ZNF496: variants seen among roughly 807,000 people sequenced by gnomAD.
ZNF496 encodes zinc finger protein 496.
ZNF496 carries 11 observed loss-of-function variants against 58.9 expected under a neutral mutation model. The ratio of observed to expected loss-of-function variants is 0.19; its 90% CI spans 0.12 to 0.31. The LOEUF is 0.31. Ranked by LOEUF, ZNF496 falls within the 10% of genes least tolerant of loss-of-function variation. The probability of loss-of-function intolerance (pLI) is 1.00; values close to 1 mark genes in which losing one functional copy is unlikely to be tolerated. For synonymous variants in ZNF496, 338 were observed against 318.2 expected (o/e 1.06, Z -0.66); for missense variants, 660 against 783.0 (o/e 0.84, Z 1.88).
chr1:247,327,839 C>CATTGT, intron 5 of ZNF496, among the ~76,000 whole-genome samples: 1 of 88,324 alleles, frequency 1.1e-5, no homozygotes, highest in Non-Finnish European at 2.5e-5. Context: ...ACTCTCTTTC[C>CATTGT]ACTGTACATA....
intron 6 of ZNF496, among the ~76,000 whole-genome samples, chr1:247,315,186 C>T (rs998705410): frequency 1.3e-5 from 2 of 150,284 alleles, no homozygotes; most frequent in South Asian, 2.1e-4. Flanking sequence ...AATAATTATG[C>T]GTCAATTGTA....
rs764949063 is a variant in ZNF496 at position 247,323,142 on chromosome 1, G to A, written c.651+12C>T. On this transcript the variant is annotated intron_variant, in intron 6 of 9. Coordinates refer to ENST00000682384, the MANE Select transcript of ZNF496 (RefSeq NM_032752.3). Reference sequence around the variant, plus strand: ...CAGGGGATTTTCAAGGACTCCTGTAGAAACCACTCACCGGGGGTAGCTGGA... The same window carrying A: ...CAGGGGATTTTCAAGGACTCCTGTAAAAACCACTCACCGGGGGTAGCTGGA... The A allele has an allele frequency of 3.7e-6, 6 of 1,612,226 alleles. No individual in the cohort carries two copies. In the East Asian group the frequency reaches 1.3e-4, roughly 36 times the overall value.
At chr1:247,318,859 A>T (rs1246957858) in intron 6 of ZNF496, among the ~76,000 whole-genome samples, 1 of 152,258 alleles carries the variant, frequency 6.6e-6, no homozygotes, top group Admixed American at 6.5e-5. Flanking sequence ...AATGTTTGAC[A>T]GTTGAAGCAC....
chr1:247,309,988 T>C lies in ZNF496; in HGVS notation c.785-182A>G. 3.7e-6 allele frequency: 5 copies of C among 1,360,950 alleles called. No homozygotes were observed. The highest frequency in any genetic ancestry group is 4.8e-6 in the Non-Finnish European group (5 of 1,031,192). The allele number at this position is 1,360,950 out of a possible 1,614,324, so 84.3% of individuals were successfully genotyped here. The stretch of plus-strand genomic sequence containing the variant: ...TGGGGGCAGCACACGCAGGGAGAGC[T>C]ATGGGCTTGGGGGTCTCTCTGAGGC... On this transcript the variant is annotated intron_variant, in intron 7 of 9. Coordinates refer to ENST00000682384, the MANE Select transcript of ZNF496 (RefSeq NM_032752.3). This position sits in a 1 kb window ranked among gnomAD's most constrained non-coding sequence, Gnocchi z 4.3.
chr1:247,310,555 G>T, intron 6 of ZNF496, 99 bp from the exon 7 acceptor site: 1 of 1,471,222 alleles, frequency 6.8e-7, no homozygotes. Context: ...TGTAGGACGG[G>T]CAGTTTCTAT....
At chr1:247,306,502 T>TTC (rs1425264893) in intron 9 of ZNF496, among the ~76,000 whole-genome samples, 2 of 149,702 alleles carry the variant, frequency 1.3e-5, no homozygotes, top group Non-Finnish European at 3.0e-5. Flanking sequence ...TGGCCGTTTT[T>TTC]TTTTTCTTTT....
Position 247,309,303 on chromosome 1 carries a change from C to T in ZNF496, c.892+396G>A, listed in dbSNP as rs12034919. ...GTACCAGGCAGATGGGAAGACTAGA[C>T]AGGTGAGGCACCTCAAAGGGCTGCG... On this transcript the variant is annotated intron_variant, in intron 8 of 9. Coordinates refer to ENST00000682384, the MANE Select transcript of ZNF496 (RefSeq NM_032752.3). The surrounding 1 kb of genome is among the most constrained non-coding windows in gnomAD (Gnocchi z 4.3). The T allele has an allele frequency of 0.23, 184,448 of 812,896 alleles. 21,974 individuals carry two copies. The highest frequency in any genetic ancestry group is 0.4 in the East Asian group (3,927 of 9,810). The allele number at this position is 812,896 out of a possible 1,614,324, so 50.4% of individuals were successfully genotyped here.
At chr1:247,302,639 C>T (rs996687294) in intron 9 of ZNF496, among the ~76,000 whole-genome samples, 12 of 152,242 alleles carry the variant, frequency 7.9e-5, no homozygotes, top group Middle Eastern at 3.4e-3. Context: ...CTGCGCCCGC[C>T]GAGAGGCTAT....
intron 6 of ZNF496, among the ~76,000 whole-genome samples, chr1:247,315,919 G>T (rs1659752051): frequency 6.6e-6 from 1 of 152,092 alleles, no homozygotes; most frequent in Non-Finnish European, 1.5e-5. Context: ...CCCCTAAGTG[G>T]ATCTGCTGCT....
rs1010948902 is a variant in ZNF496, at chr1:247,308,563, C to G, written c.918G>C (p.Gln306His). Reference sequence around the variant, plus strand: ...CCTCACGTTTCCTTCTTTCTTCTACCTGGAATGGCTGGAGACTTGGAGAGT... The same window carrying G: ...CCTCACGTTTCCTTCTTTCTTCTACGTGGAATGGCTGGAGACTTGGAGAGT... ...YLDSPSLQPF[Q>H]VEERRKREEL... Residue 306 changes from glutamine (Q) to histidine (H), a missense_variant, in exon 9 of 10, where the codon CAG becomes CAC. Transcript: ENST00000682384. The surrounding 1 kb of genome is among the most constrained non-coding windows in gnomAD (Gnocchi z 4.5). 6.2e-7 allele frequency: 1 copy of G among 1,614,050 alleles called. No individual in the cohort carries two copies. The highest frequency in any genetic ancestry group is 1.1e-5 in the South Asian group (1 of 91,080).
chr1:247,331,178 C>T (rs1166331131), intron 2 of ZNF496, among the ~76,000 whole-genome samples: 1 of 152,264 alleles, frequency 6.6e-6, no homozygotes, highest in Non-Finnish European at 1.5e-5. Context: ...CCGCGTCCGT[C>T]TTTGTCACGG....
At chr1:247,330,472 C>A (rs1025051715) in intron 2 of ZNF496, among the ~76,000 whole-genome samples, 5 of 152,218 alleles carry the variant, frequency 3.3e-5, no homozygotes, top group African/African-American at 1.2e-4. Flanking sequence ...CACAGCTCAG[C>A]CCTCAAAGAA....
chr1:247,315,060 CT>C (rs67977969), intron 6 of ZNF496, among the ~76,000 whole-genome samples: 5,554 of 121,378 alleles, frequency 0.046, 147 homozygotes, highest in Middle Eastern at 0.08. Flanking sequence ...CTTGACTAGT[CT>C]TTTTTTTTTT....
chr1:247,316,135 G>GGGGTGTGTGT lies in ZNF496; in HGVS notation c.652-5680_652-5679insACACACACCC, dbSNP rs531854783. On this transcript the variant is annotated intron_variant, in intron 6 of 9. Transcript: ENST00000682384. ...CTCTGACACGACTTCCTGGGAGAGG[G>GGGGTGTGTGT]GTGTGTGTGTGTGTGTGTGTGTGTG... Among the ~76,000 whole-genome samples the GGGGTGTGTGT allele has an allele frequency of 5.7e-5, 8 of 139,926 alleles. No individual in the cohort carries two copies. The South Asian group carries it at 9.7e-4, about 17-fold the overall frequency. The allele number at this position is 139,926 out of a possible 152,430, so 91.8% of individuals were successfully genotyped here.
Position 247,308,047 on chromosome 1 carries a change from C to T in ZNF496, c.1006+428G>A, listed in dbSNP as rs1401195982. On this transcript the variant is annotated intron_variant, in intron 9 of 9. Coordinates refer to ENST00000682384, the MANE Select transcript of ZNF496 (RefSeq NM_032752.3). This position sits in a 1 kb window ranked among gnomAD's most constrained non-coding sequence, Gnocchi z 4.5. ...TCCATGCTGAGAGAAGAAAAACACT[C>T]ACTGCATCACCAACAGCACTACAGC... 6 of 982,236 alleles carry T rather than the reference C, an allele frequency of 6.1e-6. No individual in the cohort carries two copies. Among genetic ancestry groups the T allele is most frequent in the Non-Finnish European group, 7.3e-6 (6 of 827,112 alleles). 60.8% of individuals were successfully genotyped at this position (982,236 alleles called of 1,614,324 possible). A position where few individuals can be genotyped will look rare whatever the true frequency, so the allele number is the denominator to read the frequency against.
chr1:247,303,863 C>T (rs1027666751), intron 9 of ZNF496, among the ~76,000 whole-genome samples: 1 of 152,100 alleles, frequency 6.6e-6, no homozygotes, highest in African/African-American at 2.4e-5. Context: ...GTGGCTGGCT[C>T]ATCATTTGTT....
chr1:247,300,821 G>A lies in ZNF496; in HGVS notation c.1462C>T (p.Pro488Ser), dbSNP rs1405843411. The A allele has an allele frequency of 2.5e-6, 4 of 1,607,634 alleles. No individual in the cohort carries two copies. The highest frequency in any genetic ancestry group is 3.4e-6 in the Non-Finnish European group (4 of 1,175,970). ...TTCTCCACCGGCTGGAGTCTGTCCG[G>A]CTGCAGGTGTATCCGCCGGTGGGAG... ...LLSHRRIHLQ[P>S]DRLQPVEKRE... is the part of the protein sequence containing the mutation. Residue 488 changes from proline to serine, a missense_variant, in exon 10 of 10, where the codon CCG (proline) becomes TCG (serine). By Grantham distance (74) the Pro-to-Ser change is moderately conservative. Coordinates refer to ENST00000682384, the MANE Select transcript of ZNF496 (RefSeq NM_032752.3). This position sits in a 1 kb window ranked among gnomAD's most constrained non-coding sequence, Gnocchi z 5.7.
Position 247,309,737 on chromosome 1 carries a change from T to C in ZNF496, c.854A>G (p.Asp285Gly). Residue 285 changes from aspartate to glycine, a missense_variant, in exon 8 of 10, where the codon GAT (aspartate) becomes GGT (glycine). Physicochemically the swap from Asp to Gly is moderately conservative, Grantham distance 94. Coordinates refer to ENST00000682384, the MANE Select transcript of ZNF496 (RefSeq NM_032752.3). The surrounding 1 kb of genome is among the most constrained non-coding windows in gnomAD (Gnocchi z 4.3). ...ENEPRVPELQ[D>G]LQGKEVPQVS... ...CTGGGGCACTTCTTTGCCCTGGAGATCCTGCAACTCTGGAACGCGTGGCTC... is the reference window on the plus strand; with the variant it reads ...CTGGGGCACTTCTTTGCCCTGGAGACCCTGCAACTCTGGAACGCGTGGCTC... 6.2e-7 allele frequency: 1 copy of C among 1,614,178 alleles called. No individual in the cohort carries two copies. Among genetic ancestry groups the C allele is most frequent in the Non-Finnish European group, 8.5e-7 (1 of 1,180,030 alleles).
At chr1:247,318,897 T>A (rs1659868719) in intron 6 of ZNF496, among the ~76,000 whole-genome samples, 1 of 151,776 alleles carries the variant, frequency 6.6e-6, no homozygotes, top group African/African-American at 2.4e-5. Flanking sequence ...GATGCGGTTC[T>A]AAATGTATGT....
Sources: gnomAD v4.1 joint callset for allele counts (sites outside exome capture counted in the v4.1 genomes callset) on GRCh38, gnomAD v4.1.1 for gene constraint, Gnocchi (gnomAD v3.1) non-coding constraint, MANE v1.5 for transcripts, NCBI Gene and HGNC (gene_info 2026-07-23, HGNC 2026-07-21) for gene names.